TBC1D32: variants seen among roughly 807,000 people sequenced by gnomAD.
TBC1D32 encodes TBC1 domain family member 32.
A neutral mutation model predicts 170.3 loss-of-function variants in TBC1D32; 151 were observed. The observed-to-expected ratio is 0.89, with a 90% CI of 0.78 to 1.01. TBC1D32 has a LOEUF of 1.01. Among genes scored for constraint, TBC1D32 ranks in the 50% least tolerant of loss-of-function variants. The pLI, the probability that TBC1D32 is intolerant of heterozygous loss-of-function variation, is 0.00. For synonymous variants in TBC1D32, 498 were observed against 488.0 expected (o/e 1.02, Z -0.27); for missense variants, 1,464 against 1,457.1 (o/e 1.00, Z -0.08).
At position 121,241,385 on chromosome 6, in the gene TBC1D32, T is replaced by C. The variant is rs551837111; in HGVS notation, c.2245+80A>G. 8.0e-5 allele frequency: 93 copies of C among 1,161,700 alleles called. No homozygotes were observed. In the African/African-American group the frequency reaches 1.2e-3, roughly 15 times the overall value. 72.0% of individuals were successfully genotyped at this position (1,161,700 alleles called of 1,614,324 possible). The stretch of plus-strand genomic sequence containing the variant: ...TTAGAGTAAATATCCTGATACTTAA[T>C]TGTGCCAGTTAAATTTTCAGTTGGC... On this transcript the variant is annotated intron_variant, in intron 19 of 31. Transcript: ENST00000398212.
chr6:121,134,130 T>G (rs1260269804), intron 24 of TBC1D32, among the ~76,000 whole-genome samples: 1 of 152,108 alleles, frequency 6.6e-6, no homozygotes, highest in Non-Finnish European at 1.5e-5. Context: ...ATCTACAGTC[T>G]AATAAGAAAC....
intron 20 of TBC1D32, among the ~76,000 whole-genome samples, chr6:121,225,557 T>C (rs1794963277): frequency 6.6e-6 from 1 of 152,046 alleles, no homozygotes; most frequent in Non-Finnish European, 1.5e-5. Context: ...AGAATTCAAT[T>C]GATGATTATG....
At chr6:121,300,485 A>C (rs561266389) in intron 9 of TBC1D32, among the ~76,000 whole-genome samples, 14 of 152,176 alleles carry the variant, frequency 9.2e-5, no homozygotes, top group Non-Finnish European at 1.3e-4. Flanking sequence ...TAACAAAAAC[A>C]AGCAATGAGG....
At chr6:121,155,604 T>A (rs1297025595) in intron 24 of TBC1D32, among the ~76,000 whole-genome samples, 1 of 152,146 alleles carries the variant, frequency 6.6e-6, no homozygotes, top group Non-Finnish European at 1.5e-5. Flanking sequence ...ATTCCACTTT[T>A]TACCCATTCA....
In TBC1D32 at chr6:121,208,619, G is replaced by T. The variant is rs141842846; in HGVS notation, c.2482-3456C>A. Among the ~76,000 whole-genome samples, 622 of 145,254 alleles carry T rather than the reference G, an allele frequency of 4.3e-3. 8 individuals are homozygous for T. The highest frequency in any genetic ancestry group is 0.014 in the African/African-American group (573 of 40,536). The stretch of plus-strand genomic sequence containing the variant: ...AGTAGACCTTTAATCTAAGACAAGT[G>T]TCCTTATAACAGAAAAACAGAGGGA... On this transcript the variant is annotated intron_variant, in intron 21 of 31. Transcript: ENST00000398212.
chr6:121,190,455 C>A (rs1260744870), intron 22 of TBC1D32, among the ~76,000 whole-genome samples: 1 of 150,352 alleles, frequency 6.7e-6, no homozygotes. Context: ...TCTACCTCCA[C>A]CCCACATCTA....
At chr6:121,308,195 G>T in intron 4 of TBC1D32, 94 bp from the exon 5 acceptor site, 4 of 1,202,530 alleles carry the variant, frequency 3.3e-6, no homozygotes, top group East Asian at 2.5e-5. Flanking sequence ...AAAAGGTAAA[G>T]TCTGGATAAT....
chr6:121,128,393 G>A (rs1781080113), intron 25 of TBC1D32, among the ~76,000 whole-genome samples: 1 of 152,104 alleles, frequency 6.6e-6, no homozygotes, highest in Non-Finnish European at 1.5e-5. Context: ...AATTACTAGA[G>A]TGGCTACTTA....
At chr6:121,303,185 G>A (rs1050944938) in intron 9 of TBC1D32, among the ~76,000 whole-genome samples, 3 of 151,914 alleles carry the variant, frequency 2.0e-5, no homozygotes, top group Non-Finnish European at 4.4e-5. Context: ...CAAACTTCAG[G>A]TTCAGGAGGA....
chr6:121,090,958 G>C lies in TBC1D32; in HGVS notation c.3549C>G (p.Phe1183Leu), dbSNP rs1776737680. The part of the protein sequence containing the change: ...EICHYIATCV[F>L]LGPDYQVYIC... ...TATACACTTGATAATCAGGACCAAG[G>C]AAAACACAAGTAGCAATATAATGGC... The change falls in exon 31 of 32, where the codon TTC becomes TTG. Residue 1183 changes from phenylalanine (F) to leucine (L), a missense_variant. Coordinates refer to ENST00000398212, the MANE Select transcript of TBC1D32 (RefSeq NM_152730.6). The C allele has an allele frequency of 6.2e-7, 1 of 1,613,022 alleles. No individual in the cohort carries two copies.
chr6:121,187,774 G>T (rs995240830), intron 22 of TBC1D32, among the ~76,000 whole-genome samples: 2 of 126,294 alleles, frequency 1.6e-5, no homozygotes, highest in African/African-American at 6.3e-5. Flanking sequence ...AAAAAAAAAA[G>T]TCCTACAGTA....
At chr6:121,094,072 A>G (rs1777124291) in intron 30 of TBC1D32, among the ~76,000 whole-genome samples, 1 of 152,054 alleles carries the variant, frequency 6.6e-6, no homozygotes, top group Admixed American at 6.6e-5. Context: ...ATTTGCAAGT[A>G]CTTCAGACTT....
intron 11 of TBC1D32, among the ~76,000 whole-genome samples, chr6:121,294,049 G>A (rs1424115536): frequency 6.6e-6 from 1 of 152,106 alleles, no homozygotes; most frequent in Non-Finnish European, 1.5e-5. Flanking sequence ...ACTAAGAGAA[G>A]ATTCATTTTA....
intron 30 of TBC1D32, among the ~76,000 whole-genome samples, chr6:121,091,865 C>A (rs1175043071): frequency 6.6e-6 from 1 of 152,028 alleles, no homozygotes; most frequent in Non-Finnish European, 1.5e-5. Context: ...TTACGGTGAG[C>A]CCTAATCCAA....
chr6:121,293,175 A>G (rs944556182), intron 11 of TBC1D32, among the ~76,000 whole-genome samples: 3 of 151,666 alleles, frequency 2.0e-5, no homozygotes, highest in African/African-American at 4.8e-5. Flanking sequence ...GGTCTTTAGT[A>G]GATAGAGAAG....
At chr6:121,305,722 AC>A (rs2128481278) in intron 5 of TBC1D32, among the ~76,000 whole-genome samples, 1 of 152,134 alleles carries the variant, frequency 6.6e-6, no homozygotes, top group Admixed American at 6.5e-5. Flanking sequence ...ATACTTTTCA[AC>A]CCTATAGGCT....
chr6:121,221,886 G>T (rs1794568824), intron 21 of TBC1D32, among the ~76,000 whole-genome samples: 1 of 152,212 alleles, frequency 6.6e-6, no homozygotes, highest in Non-Finnish European at 1.5e-5. Context: ...CAGTGAGTGG[G>T]TTGAGAGGAT....
At chr6:121,090,115 G>T (rs1776656545) in intron 31 of TBC1D32, among the ~76,000 whole-genome samples, 2 of 152,020 alleles carry the variant, frequency 1.3e-5, no homozygotes, top group Non-Finnish European at 2.9e-5. Context: ...TGTATTTTTG[G>T]TAGAGACGGG....
chr6:121,085,277 G>GTA (rs1319946064), intron 31 of TBC1D32, among the ~76,000 whole-genome samples: 2 of 94,872 alleles, frequency 2.1e-5, no homozygotes, highest in South Asian at 2.8e-4. Flanking sequence ...ACATATATAC[G>GTA]TATATATATA....
Sources: gnomAD v4.1 joint callset for allele counts (sites outside exome capture counted in the v4.1 genomes callset) on GRCh38, gnomAD v4.1.1 for gene constraint, MANE v1.5 for transcripts, NCBI Gene and HGNC (gene_info 2026-07-23, HGNC 2026-07-21) for gene names.